Variants in SLC35F3 observed in about 807,000 individuals in gnomAD.
SLC35F3 encodes solute carrier family 35 member F3, also known as putative thiamine transporter SLC35F3.
A neutral mutation model predicts 49.9 loss-of-function variants in SLC35F3; 25 were observed. The ratio of observed to expected loss-of-function variants is 0.50; its 90% confidence interval spans 0.37 to 0.70. SLC35F3 has a LOEUF of 0.70. Among genes scored for constraint, SLC35F3 ranks in the 30% least tolerant of loss-of-function variants. SLC35F3 has a pLI of 0.00. For synonymous variants in SLC35F3, 275 were observed against 265.4 expected (o/e 1.04, Z -0.35); for missense variants, 525 against 639.8 (o/e 0.82, Z 1.94).
intron 2 of SLC35F3, among the ~76,000 whole-genome samples, chr1:234,218,980 C>T (rs543742856): frequency 1.5e-5 from 2 of 133,668 alleles, no homozygotes; most frequent in African/African-American, 5.9e-5. Context: ...ACCCAGGAGG[C>T]GGAAGTTGCA....
At chr1:233,942,202 C>T (rs1662438191) in intron 2 of SLC35F3, among the ~76,000 whole-genome samples, 1 of 151,678 alleles carries the variant, frequency 6.6e-6, no homozygotes, top group African/African-American at 2.4e-5. Flanking sequence ...ACCTTGTGAG[C>T]CGCCCGCCTC....
chr1:233,949,056 C>T (rs1299811449), intron 2 of SLC35F3, among the ~76,000 whole-genome samples: 1 of 152,024 alleles, frequency 6.6e-6, no homozygotes, highest in Non-Finnish European at 1.5e-5. Context: ...CAGTAGTTCA[C>T]ACATAATCTC....
chr1:234,223,543 CA>C (rs1217194843), intron 2 of SLC35F3, among the ~76,000 whole-genome samples: 2 of 152,194 alleles, frequency 1.3e-5, no homozygotes. Context: ...AATAACTTTA[CA>C]ACAAAGATTC....
At chr1:234,248,003 G>A (rs547176713) in intron 3 of SLC35F3, among the ~76,000 whole-genome samples, 48 of 152,036 alleles carry the variant, frequency 3.2e-4, no homozygotes, top group Non-Finnish European at 4.1e-4. Context: ...TGACTGGTTC[G>A]TTGTTCGGTG....
chr1:234,288,444 C>T (rs115121904), intron 3 of SLC35F3, among the ~76,000 whole-genome samples: 6,787 of 152,264 alleles, frequency 0.045, 198 homozygotes, highest in South Asian at 0.084. Flanking sequence ...TTCTGAAATG[C>T]AGTCAGACTA....
intron 2 of SLC35F3, among the ~76,000 whole-genome samples, chr1:234,224,067 T>TGTTTGTTTGTTTGTTTGTTTGTTC (rs1553316549): frequency 6.6e-6 from 1 of 151,850 alleles, no homozygotes; most frequent in African/African-American, 2.4e-5. Context: ...TTTGTTTGTT[T>TGTTTGTTTGTTTGTTTGTTTGTTC]GTTTGTTTGT....
chr1:233,979,112 G>C (rs1482339012), intron 2 of SLC35F3, among the ~76,000 whole-genome samples: 1 of 151,624 alleles, frequency 6.6e-6, no homozygotes, highest in Non-Finnish European at 1.5e-5. Flanking sequence ...TAAATGAAAT[G>C]AACAGTGTGA....
intron 2 of SLC35F3, among the ~76,000 whole-genome samples, chr1:233,907,768 G>T (rs1442766690): frequency 6.6e-6 from 1 of 151,858 alleles, no homozygotes; most frequent in East Asian, 1.9e-4. Context: ...ACCCAGGCTG[G>T]AGTGTAGAGT....
At chr1:234,240,688 T>C (rs962269773) in intron 3 of SLC35F3, among the ~76,000 whole-genome samples, 1 of 151,886 alleles carries the variant, frequency 6.6e-6, no homozygotes, top group African/African-American at 2.4e-5. Flanking sequence ...GATCATGAGG[T>C]CATAAAATAA....
chr1:233,949,108 A>G lies in SLC35F3; in HGVS notation c.283+43350A>G, dbSNP rs142360714. ...CATTCCATCATGTAGGATCATGCCC[A>G]TGGGAGAACAAGCCCATGGATCACT... On this transcript the variant is annotated intron_variant, in intron 2 of 7. Coordinates refer to ENST00000366618, the MANE Select transcript of SLC35F3 (RefSeq NM_173508.4). 1.6e-3 allele frequency among the ~76,000 whole-genome samples: 250 copies of G among 152,172 alleles called. 1 individual carries two copies. The highest frequency in any genetic ancestry group is 5.6e-3 in the African/African-American group (233 of 41,524).
chr1:233,921,584 A>G (rs1662060184), intron 2 of SLC35F3, among the ~76,000 whole-genome samples: 1 of 152,140 alleles, frequency 6.6e-6, no homozygotes. Context: ...GGCAATCGCT[A>G]ATCTTTTTCC....
Position 233,905,869 on chromosome 1 carries a change from T to C in SLC35F3, c.283+111T>C, listed in dbSNP as rs961526935. The C allele has an allele frequency of 3.9e-6, 4 of 1,016,670 alleles. No individual in the cohort carries two copies. The African/African-American group carries it at 4.8e-5, about 12-fold the overall frequency. 63.0% of individuals were successfully genotyped at this position (1,016,670 alleles called of 1,614,324 possible). A position where few individuals can be genotyped will look rare whatever the true frequency, so the allele number is the denominator to read the frequency against. On this transcript the variant is annotated intron_variant, in intron 2 of 7. Transcript: ENST00000366618. Reference sequence around the variant, plus strand: ...GGCGTCCAGCCACCCCCTCCCGCCCTGCCTGCTGATACAGACCCAGGTTTG... The same window carrying C: ...GGCGTCCAGCCACCCCCTCCCGCCCCGCCTGCTGATACAGACCCAGGTTTG...
intron 2 of SLC35F3, among the ~76,000 whole-genome samples, chr1:233,951,720 T>G (rs764255059): frequency 1.5e-4 from 23 of 151,574 alleles, no homozygotes; most frequent in African/African-American, 2.9e-4. Context: ...CTTCTTCTTT[T>G]TGTGTGTGTG....
chr1:234,255,138 C>T (rs1029177002), intron 3 of SLC35F3, among the ~76,000 whole-genome samples: 8 of 152,096 alleles, frequency 5.3e-5, no homozygotes, highest in Non-Finnish European at 7.4e-5. Context: ...ATATCTAAAA[C>T]GTACAGAGAA....
intron 2 of SLC35F3, among the ~76,000 whole-genome samples, chr1:233,991,691 G>A (rs1663357791): frequency 1.3e-5 from 2 of 151,880 alleles, no homozygotes; most frequent in African/African-American, 4.8e-5. Context: ...TCTCTTTTTT[G>A]TTCTGGCTAC....
In SLC35F3 at chr1:234,323,144, C is replaced by T. The variant is rs758703920; in HGVS notation, c.1374C>T (p.Leu458=). The change falls in exon 8 of 8, where the codon CTC becomes CTT. Residue 458 remains leucine (L), a synonymous_variant. Transcript: ENST00000366618. This position sits in a 1 kb window ranked among gnomAD's most constrained non-coding sequence, Gnocchi z 4.5. ...DVWLIKLLTR[L]KVRKKEEPAE... ...GGTTGATCAAGCTGCTCACCCGACT[C>T]AAAGTGAGGAAGAAGGAGGAGCCTG... 25 of 1,614,134 alleles carry T rather than the reference C, an allele frequency of 1.5e-5. 2 individuals carry two copies. In the South Asian group the frequency reaches 2.6e-4, roughly 17 times the overall value.
chr1:234,108,460 ATATATATAAAAGAT>A (rs1665328428), intron 2 of SLC35F3, among the ~76,000 whole-genome samples: 1 of 90,014 alleles, frequency 1.1e-5, no homozygotes, highest in African/African-American at 3.7e-5. Context: ...TATATTATTT[ATATATATAAAAGAT>A]ATATATATAA....
intron 2 of SLC35F3, among the ~76,000 whole-genome samples, chr1:234,208,264 G>A (rs1323933455): frequency 6.6e-6 from 1 of 152,182 alleles, no homozygotes; most frequent in Non-Finnish European, 1.5e-5. Flanking sequence ...ATGCCTTATT[G>A]GAATCGTAAA....
chr1:233,981,928 C>T (rs565468924), intron 2 of SLC35F3, among the ~76,000 whole-genome samples: 23 of 152,172 alleles, frequency 1.5e-4, no homozygotes, highest in African/African-American at 3.4e-4. Flanking sequence ...TGATGTTGAA[C>T]GTTTTTTTGT....
Sources: allele counts gnomAD v4.1 joint callset (sites outside exome capture counted in the v4.1 genomes callset), GRCh38; gene constraint gnomAD v4.1.1; non-coding constraint Gnocchi (gnomAD v3.1); transcripts MANE v1.5; gene names NCBI Gene and HGNC (gene_info 2026-07-23, HGNC 2026-07-21).